The following NOS2 variants were observed in gnomAD, a reference collection of about 807,000 sequenced individuals.
NOS2 encodes the protein nitric oxide synthase, inducible.
In NOS2, 96 loss-of-function variants were observed where a neutral mutation model predicts 136.0. The ratio of observed to expected loss-of-function variants is 0.71; its 90% confidence interval spans 0.60 to 0.84. NOS2 has a LOEUF of 0.84. Ranked by LOEUF, NOS2 falls within the 40% of genes least tolerant of loss-of-function variation. NOS2 has a pLI of 0.00. For missense variants in NOS2, 1,237 were observed against 1,496.9 expected (o/e 0.83, Z 2.87); for synonymous variants, 539 against 587.5 (o/e 0.92, Z 1.20).
At chr17:27,771,617 A>G (rs1386739787) in intron 14 of NOS2, among the ~76,000 whole-genome samples, 4 of 152,252 alleles carry the variant, frequency 2.6e-5, no homozygotes, top group Non-Finnish European at 5.9e-5. Context: ...CCATCGTGGC[A>G]TTACACTGGC....
Position 27,773,178 on chromosome 17 carries a change from T to C in NOS2, c.1542A>G (p.Pro514=), listed in dbSNP as rs1156727419. The C allele has an allele frequency of 1.9e-6, 3 of 1,613,882 alleles. No individual in the cohort carries two copies. The African/African-American group carries it at 4.0e-5, about 22-fold the overall frequency. ...EKRRPKRREI[P]LKVLVKAVLF... is the part of the protein sequence containing the mutation. ...CCACTCACTTGACCAAGACTTTCAA[T>C]GGAATCTCTCTTCTCTTGGGTCTCC... Residue 514 remains proline (P), a synonymous_variant, in exon 13 of 27, where the codon CCA becomes CCG. Coordinates refer to ENST00000313735, the MANE Select transcript of NOS2 (RefSeq NM_000625.4).
At chr17:27,798,192 G>A (rs372640677) in intron 2 of NOS2, among the ~76,000 whole-genome samples, 2 of 152,288 alleles carry the variant, frequency 1.3e-5, no homozygotes, top group South Asian at 4.1e-4. Flanking sequence ...TTTCAGAGAG[G>A]TTAACTTACC....
chr17:27,789,480 C>T, intron 3 of NOS2, 124 bp downstream of exon 3: 1 of 747,324 alleles, frequency 1.3e-6, no homozygotes, highest in Non-Finnish European at 2.4e-6. Flanking sequence ...GGGTCTGGGA[C>T]TCTCCACTCT....
intron 23 of NOS2, 85 bp from the exon 24 acceptor site, chr17:27,760,829 G>A (rs1908100965): frequency 1.4e-6 from 2 of 1,476,392 alleles, no homozygotes; most frequent in Admixed American, 2.3e-5. Context: ...CTGGGCCTGT[G>A]GGAGGCGGTC....
chr17:27,780,749 C>A lies in NOS2; in HGVS notation c.1004+18G>T, dbSNP rs1360374828. ...TGTGTTGACTCGCCCTTGCCCCCAGCACCCTCAGCCTACTTACTTGGGATG... is the reference window on the plus strand; with the variant it reads ...TGTGTTGACTCGCCCTTGCCCCCAGAACCCTCAGCCTACTTACTTGGGATG... On this transcript the variant is annotated intron_variant, in intron 9 of 26. Transcript: ENST00000313735. 1 of 1,614,216 alleles carries A rather than the reference C, an allele frequency of 6.2e-7. No individual in the cohort carries two copies. Among genetic ancestry groups the A allele is most frequent in the Non-Finnish European group, 8.5e-7 (1 of 1,180,032 alleles).
In NOS2 at chr17:27,762,795, C is replaced by T; in HGVS notation, c.2800+3G>A. On this transcript the variant is annotated splice_donor_region_variant and intron_variant, in intron 22 of 26. Transcript: ENST00000313735. ...TGTTCCAGAGCCTCTGCCCCTGGCT[C>T]ACCTCGGGTGTGGTAGGTGACCACG... is the stretch of plus-strand genomic sequence containing the variant. 1 of 1,545,688 alleles carries T rather than the reference C, an allele frequency of 6.5e-7. No individual in the cohort carries two copies. The highest frequency in any genetic ancestry group is 8.7e-7 in the Non-Finnish European group (1 of 1,145,312).
In NOS2 at chr17:27,800,433, A is replaced by G. The variant is rs1909492296; in HGVS notation, c.-168T>C. 1.3e-5 allele frequency: 2 copies of G among 152,220 alleles called. No individual in the cohort carries two copies. The allele number at this position is 152,220 out of a possible 1,614,324, so 9.4% of individuals were successfully genotyped here. ...ACTTCGGGACTGTCTAGAACTGCCC[A>G]GTCCCCTCATCAAAGGTGGCCGAGA... On this transcript the variant is annotated 5_prime_UTR_variant, in exon 1 of 27. Coordinates refer to ENST00000313735, the MANE Select transcript of NOS2 (RefSeq NM_000625.4).
rs149464994 is a variant in NOS2, at chr17:27,774,419, C to T, written c.1314G>A (p.Ser438=). ...TGTACTTCATGAAGGATTCTGCAGC[C>T]GAGTGGTGGTCCATGATGGTCACAT... ...KQNVTIMDHH[S]AAESFMKYMQ... is the part of the protein sequence containing the mutation. Residue 438 remains serine (S), a synonymous_variant, in exon 12 of 27, where the codon TCG becomes TCA. Coordinates refer to ENST00000313735, the MANE Select transcript of NOS2 (RefSeq NM_000625.4). 1.6e-5 allele frequency: 25 copies of T among 1,528,528 alleles called. No homozygotes were observed. The highest frequency in any genetic ancestry group is 1.7e-4 in the Middle Eastern group (1 of 5,800). The allele number at this position is 1,528,528 out of a possible 1,614,324, so 94.7% of individuals were successfully genotyped here. A position where few individuals can be genotyped will look rare whatever the true frequency, so the allele number is the denominator to read the frequency against.
intron 2 of NOS2, among the ~76,000 whole-genome samples, chr17:27,790,165 C>G (rs1909146848): frequency 6.6e-6 from 1 of 152,222 alleles, no homozygotes; most frequent in Non-Finnish European, 1.5e-5. Context: ...ATGATCTCAG[C>G]TCTCTGCAAC....
intron 21 of NOS2, among the ~76,000 whole-genome samples, chr17:27,763,319 G>T (rs1175543376): frequency 6.6e-6 from 1 of 152,180 alleles, no homozygotes; most frequent in African/African-American, 2.4e-5. Flanking sequence ...AATCTTGGCT[G>T]GGTGTCCTCA....
At chr17:27,764,602 C>G (rs1328636922) in intron 20 of NOS2, among the ~76,000 whole-genome samples, 1 of 152,228 alleles carries the variant, frequency 6.6e-6, no homozygotes, top group African/African-American at 2.4e-5. Flanking sequence ...GCATGCAGGG[C>G]AGTCACAGCA....
intron 8 of NOS2, 45 bp from the exon 9 acceptor site, chr17:27,780,951 G>T (rs201941777): frequency 6.3e-7 from 1 of 1,598,794 alleles, no homozygotes; most frequent in South Asian, 1.1e-5. Context: ...CCCGGGCTGC[G>T]TGTCTCCTCT....
intron 11 of NOS2, among the ~76,000 whole-genome samples, chr17:27,777,603 T>G (rs1185612536): frequency 6.6e-6 from 1 of 152,216 alleles, no homozygotes; most frequent in African/African-American, 2.4e-5. Context: ...AGATCGCGGA[T>G]GTGGCCCTCA....
intron 2 of NOS2, among the ~76,000 whole-genome samples, chr17:27,794,714 G>GCACACACACACACACA (rs56767383): frequency 3.8e-4 from 55 of 145,610 alleles, no homozygotes; most frequent in African/African-American, 1.4e-3. Context: ...ACACACACGC[G>GCACACACACACACACA]CACACACACA....
chr17:27,771,063 C>T, intron 14 of NOS2, 46 bp from the exon 15 acceptor site: 3 of 1,372,920 alleles, frequency 2.2e-6, no homozygotes, highest in Non-Finnish European at 1.0e-6. Flanking sequence ...CCCAGTAGGG[C>T]CCTCCCTACC....
chr17:27,789,072 G>T (rs993618146), intron 3 of NOS2, 141 bp from the exon 4 acceptor site: 40 of 1,153,330 alleles, frequency 3.5e-5, no homozygotes, highest in Non-Finnish European at 4.3e-5. Flanking sequence ...TCCAGCCCCC[G>T]GGCGACCTGG....
chr17:27,776,502 A>C (rs548178386), intron 11 of NOS2, among the ~76,000 whole-genome samples: 1 of 152,098 alleles, frequency 6.6e-6, no homozygotes, highest in Admixed American at 6.6e-5. Flanking sequence ...GTGAAACCCT[A>C]TCTCTACTAA....
rs529572924 is a variant in NOS2, at chr17:27,793,662, G to A, written c.111-3974C>T. ...GCAGCCTGCACAGCCGGGGCCCGGC[G>A]GCCTCGCACGCCGCGCCCAGCCCCT... On this transcript the variant is annotated intron_variant, in intron 2 of 26. Transcript: ENST00000313735. 7 of 396,764 alleles carry A rather than the reference G, an allele frequency of 1.8e-5. No individual in the cohort carries two copies. In the South Asian group the frequency reaches 8.9e-4, roughly 51 times the overall value. 24.6% of individuals were successfully genotyped at this position (396,764 alleles called of 1,614,324 possible).
At chr17:27,779,456 A>C (rs1034269008) in intron 9 of NOS2, among the ~76,000 whole-genome samples, 3 of 151,832 alleles carry the variant, frequency 2.0e-5, no homozygotes, top group African/African-American at 7.3e-5. Flanking sequence ...TGGGGGCTTC[A>C]CTTTTGCACC....
Sources: allele counts gnomAD v4.1 joint callset (sites outside exome capture counted in the v4.1 genomes callset), GRCh38; gene constraint gnomAD v4.1.1; transcripts MANE v1.5; gene names NCBI Gene and HGNC (gene_info 2026-07-23, HGNC 2026-07-21).